FNTB: variants seen among roughly 807,000 people sequenced by gnomAD.
The protein encoded by FNTB is farnesyltransferase, CAAX box, subunit beta.
In FNTB, 27 loss-of-function variants were observed where a neutral mutation model predicts 59.4. The ratio of observed to expected loss-of-function variants is 0.45; its 90% CI spans 0.34 to 0.63. The LOEUF (loss-of-function observed/expected upper bound fraction) is 0.63, where lower values mean the gene tolerates loss of function less well. Ranked by LOEUF, FNTB falls within the 20% of genes least tolerant of loss-of-function variation. The pLI is 0.02. For synonymous variants in FNTB, 230 were observed against 220.7 expected (o/e 1.04, Z -0.37); for missense variants, 449 against 559.6 (o/e 0.80, Z 1.99).
chr14:65,019,936 G>A (rs1371134687), intron 4 of FNTB, among the ~76,000 whole-genome samples: 1 of 151,984 alleles, frequency 6.6e-6, no homozygotes, highest in East Asian at 1.9e-4. Flanking sequence ...TCTTGCACAG[G>A]GAAATGAAAT....
intron 1 of FNTB, among the ~76,000 whole-genome samples, chr14:64,992,443 A>T (rs145591587): frequency 8.1e-4 from 123 of 152,030 alleles, no homozygotes; most frequent in Non-Finnish European, 1.5e-3. Flanking sequence ...TTCTTTTCAG[A>T]CTCTTCACAT....
intron 1 of FNTB, among the ~76,000 whole-genome samples, chr14:64,996,134 A>G (rs1432204152): frequency 1.5e-4 from 23 of 148,780 alleles, no homozygotes; most frequent in Non-Finnish European, 3.0e-4. Context: ...AAAAAAAAAA[A>G]AAAAAAGAAA....
chr14:65,053,228 C>G lies in FNTB; in HGVS notation c.956-10C>G. 1 of 1,368,100 alleles carries G rather than the reference C, an allele frequency of 7.3e-7. No individual in the cohort carries two copies. The highest frequency in any genetic ancestry group is 9.5e-7 in the Non-Finnish European group (1 of 1,049,950). The allele number at this position is 1,368,100 out of a possible 1,614,324, so 84.7% of individuals were successfully genotyped here. A position where few individuals can be genotyped will look rare whatever the true frequency, so the allele number is the denominator to read the frequency against. Reference sequence around the variant, plus strand: ...TGCCGGGCCCTTACTGACCCTTTGCCCTTCAACAGGTGACCCTGCCCTTAG... The same window carrying G: ...TGCCGGGCCCTTACTGACCCTTTGCGCTTCAACAGGTGACCCTGCCCTTAG... On this transcript the variant is annotated splice_polypyrimidine_tract_variant and intron_variant, in intron 9 of 11. Transcript: ENST00000246166.
chr14:64,993,794 A>G (rs1394008000), intron 1 of FNTB, among the ~76,000 whole-genome samples: 3 of 151,930 alleles, frequency 2.0e-5, no homozygotes, highest in Admixed American at 6.6e-5. Context: ...GTTGTTTACC[A>G]CTTACTGAAT....
chr14:65,018,809 T>TA (rs34066098), intron 4 of FNTB, among the ~76,000 whole-genome samples: 27,823 of 108,310 alleles, frequency 0.26, 3,527 homozygotes, highest in Non-Finnish European at 0.31. Context: ...GACTCTGTCT[T>TA]AAAAAAAAAA....
At position 65,047,190 on chromosome 14, in the gene FNTB, G is replaced by A. The variant is rs1043282081; in HGVS notation, c.955+2747G>A. On this transcript the variant is annotated intron_variant, in intron 9 of 11. Transcript: ENST00000246166. This position sits in a 1 kb window ranked among gnomAD's most constrained non-coding sequence, Gnocchi z 5.2. ...CCCAAGCCCTCACTGTATGCCAGGG[G>A]CTGTACTGAGCATTTCACATATGTT... is the stretch of plus-strand genomic sequence containing the variant. 6.6e-6 allele frequency among the ~76,000 whole-genome samples: 1 copy of A among 152,180 alleles called. No individual in the cohort carries two copies. The highest frequency in any genetic ancestry group is 2.4e-5 in the African/African-American group (1 of 41,432).
Position 65,028,455 on chromosome 14 carries a change from T to C in FNTB, c.605+674T>C, listed in dbSNP as rs1223105732. On this transcript the variant is annotated intron_variant, in intron 6 of 11. Transcript: ENST00000246166. This position sits in a 1 kb window ranked among gnomAD's most constrained non-coding sequence, Gnocchi z 4.4. ...ATTGAGATTTTATGCCATTTTCTTA[T>C]TATTTAGTTGAGAAATACATTTTGT... Among the ~76,000 whole-genome samples, 1 of 152,208 alleles carries C rather than the reference T, an allele frequency of 6.6e-6. No homozygotes were observed. Among genetic ancestry groups the C allele is most frequent in the Non-Finnish European group, 1.5e-5 (1 of 68,044 alleles).
chr14:65,025,450 T>C (rs1341349757), intron 4 of FNTB, among the ~76,000 whole-genome samples: 1 of 152,234 alleles, frequency 6.6e-6, no homozygotes, highest in Non-Finnish European at 1.5e-5. Flanking sequence ...CTGGGAAATG[T>C]CATAAGAATT....
In FNTB at chr14:64,986,988, C is replaced by T. The variant is rs1429757785; in HGVS notation, c.35C>T (p.Pro12Leu). The change falls in exon 1 of 12, where the codon CCT becomes CTT. Residue 12 changes from proline (P) to leucine (L), a missense_variant. Transcript: ENST00000246166. ...ASPSSFTYYC[P>L]PSSSPVWSEP... ...CCGAGTTCTTTCACCTACTATTGCCCTCCATCTTCCTCCCCCGTCTGGTCA... is the reference window on the plus strand; with the variant it reads ...CCGAGTTCTTTCACCTACTATTGCCTTCCATCTTCCTCCCCCGTCTGGTCA... 6.2e-7 allele frequency: 1 copy of T among 1,614,124 alleles called. No homozygotes were observed. Among genetic ancestry groups the T allele is most frequent in the South Asian group, 1.1e-5 (1 of 91,092 alleles).
chr14:65,052,375 T>A (rs545075888), intron 9 of FNTB, among the ~76,000 whole-genome samples: 12 of 152,346 alleles, frequency 7.9e-5, no homozygotes, highest in African/African-American at 2.6e-4. Flanking sequence ...TTGTTGGGCA[T>A]CTTTTTTTTA....
chr14:65,017,634 C>G (rs1252621574), intron 4 of FNTB, among the ~76,000 whole-genome samples: 5 of 152,156 alleles, frequency 3.3e-5, no homozygotes, highest in African/African-American at 1.2e-4. Context: ...TAAATATCAA[C>G]AGTAGAGAAT....
In FNTB at chr14:65,053,365, C is replaced by CT. The variant is rs776626064; in HGVS notation, c.1067+17dup. 1 of 1,406,198 alleles carries CT rather than the reference C, an allele frequency of 7.1e-7. No individual in the cohort carries two copies. Among genetic ancestry groups the CT allele is most frequent in the East Asian group, 2.7e-5 (1 of 36,996 alleles). The allele number at this position is 1,406,198 out of a possible 1,614,324, so 87.1% of individuals were successfully genotyped here. ...AACCTGGCAAGTGAGTGTTTTCTCT[C>CT]TGGGGAGGGAAGGGAGAGGGGAGGA... On this transcript the variant is annotated intron_variant, in intron 10 of 11. Coordinates refer to ENST00000246166, the MANE Select transcript of FNTB (RefSeq NM_002028.4).
At position 65,012,179 on chromosome 14, in the gene FNTB, T is replaced by G; in HGVS notation, c.210-138T>G. ...TAGTTGCTCTTTGGAACCAGAGAAGTTGCTGGTTATCCAGTCAGTGATTGC... is the reference window on the plus strand; with the variant it reads ...TAGTTGCTCTTTGGAACCAGAGAAGGTGCTGGTTATCCAGTCAGTGATTGC... On this transcript the variant is annotated intron_variant, in intron 2 of 11. Transcript: ENST00000246166. The surrounding 1 kb of genome is among the most constrained non-coding windows in gnomAD (Gnocchi z 5.0). 1.0e-6 allele frequency: 1 copy of G among 985,708 alleles called. No homozygotes were observed. Among genetic ancestry groups the G allele is most frequent in the Non-Finnish European group, 1.5e-6 (1 of 658,890 alleles). The allele number at this position is 985,708 out of a possible 1,614,324, so 61.1% of individuals were successfully genotyped here. A position where few individuals can be genotyped will look rare whatever the true frequency, so the allele number is the denominator to read the frequency against.
intron 7 of FNTB, among the ~76,000 whole-genome samples, chr14:65,034,190 C>T (rs1332558231): frequency 1.3e-5 from 2 of 152,224 alleles, no homozygotes; most frequent in African/African-American, 2.4e-5. Context: ...GTTGCCCCTT[C>T]TGGAGCCCTC....
At position 65,044,430 on chromosome 14, in the gene FNTB, A is replaced by G. The variant is rs748827539; in HGVS notation, c.942A>G (p.Ala314=). 3.7e-6 allele frequency: 6 copies of G among 1,610,422 alleles called. No homozygotes were observed. In the East Asian group the frequency reaches 9.0e-5, roughly 24 times the overall value. The change falls in exon 9 of 12, where the codon GCA becomes GCG. Residue 314 remains alanine, a synonymous_variant. Transcript: ENST00000246166. The surrounding 1 kb of genome is among the most constrained non-coding windows in gnomAD (Gnocchi z 5.5). ...QAGLLPLLHR[A]LHAQGDPALS... ...GGCTCCTGCCCCTGCTCCACCGCGC[A>G]CTGCACGCCCAAGGTGAGCCTGGGG...
Position 65,032,524 on chromosome 14 carries a change from A to T in FNTB, c.606-86A>T. 1 of 1,466,848 alleles carries T rather than the reference A, an allele frequency of 6.8e-7. No individual in the cohort carries two copies. Among genetic ancestry groups the T allele is most frequent in the Non-Finnish European group, 9.2e-7 (1 of 1,084,120 alleles). The allele number at this position is 1,466,848 out of a possible 1,614,324, so 90.9% of individuals were successfully genotyped here. A position where few individuals can be genotyped will look rare whatever the true frequency, so the allele number is the denominator to read the frequency against. On this transcript the variant is annotated intron_variant, in intron 6 of 11. Transcript: ENST00000246166. This position sits in a 1 kb window ranked among gnomAD's most constrained non-coding sequence, Gnocchi z 5.0. The stretch of plus-strand genomic sequence containing the variant: ...AGGAGGTGATTACAGCTTACTAGGC[A>T]AGGCGAGCAGTCCGCCCGCGGAGTT...
chr14:65,019,737 A>G lies in FNTB; in HGVS notation c.374+4021A>G, dbSNP rs192276014. Among the ~76,000 whole-genome samples, 41 of 152,278 alleles carry G rather than the reference A, an allele frequency of 2.7e-4. 3 individuals are homozygous for G. The highest frequency in any genetic ancestry group is 2.4e-3 in the Admixed American group (36 of 15,286). The stretch of plus-strand genomic sequence containing the variant: ...CATTTCTTAGACTTCCCAATAATGT[A>G]TTTTGCTTTGTGCCTAGGAGGTGGT... On this transcript the variant is annotated intron_variant, in intron 4 of 11. Transcript: ENST00000246166.
At chr14:65,049,066 G>T (rs923497540) in intron 9 of FNTB, among the ~76,000 whole-genome samples, 5 of 151,608 alleles carry the variant, frequency 3.3e-5, no homozygotes, top group Admixed American at 6.6e-5. Context: ...GGCGGAGGTT[G>T]CAGTGAGCTG....
intron 9 of FNTB, among the ~76,000 whole-genome samples, chr14:65,046,255 C>T (rs1227861714): frequency 1.3e-5 from 2 of 152,156 alleles, no homozygotes; most frequent in East Asian, 1.9e-4. Flanking sequence ...GGATTACAGG[C>T]GTGAGCCACC....
Sources: gnomAD v4.1 joint callset for allele counts (sites outside exome capture counted in the v4.1 genomes callset) on GRCh38, gnomAD v4.1.1 for gene constraint, Gnocchi (gnomAD v3.1) non-coding constraint, MANE v1.5 for transcripts, NCBI Gene and HGNC (gene_info 2026-07-23, HGNC 2026-07-21) for gene names.